The following MXRA5 variants were observed in gnomAD, a reference collection of about 807,000 sequenced individuals.
MXRA5 encodes matrix remodeling associated 5, also known as matrix-remodeling-associated protein 5.
Under a neutral mutation model 112.5 loss-of-function variants are expected in MXRA5, and 41 were observed. That is an observed-to-expected ratio of 0.36 (90% CI 0.28 to 0.47). The LOEUF is 0.47. Among genes scored for constraint, MXRA5 ranks in the 20% least tolerant of loss-of-function variants. The pLI, the probability that MXRA5 is intolerant of heterozygous loss-of-function variation, is 0.99. For missense variants in MXRA5, 2,150 were observed against 2,251.0 expected, an observed-to-expected ratio of 0.96 and a Z score of 0.91; for synonymous variants, 862 against 900.8, an observed-to-expected ratio of 0.96 and a Z score of 0.77.
chrX:3,330,806 T>A (rs756584476), intron 2 of MXRA5, 33 bp from the exon 3 acceptor site: 1 of 978,152 alleles, frequency 1.0e-6, no homozygotes, highest in South Asian at 2.9e-5. Context: ...ATAACAATAA[T>A]AATAATTAAG....
chrX:3,336,778 C>G (rs1431925788), intron 2 of MXRA5, among the ~76,000 whole-genome samples: 2 of 112,428 alleles, frequency 1.8e-5, no homozygotes, highest in Non-Finnish European at 3.8e-5. Context: ...GCTCTGAAAA[C>G]AAGTTCTAAT....
At chrX:3,337,817 A>T (rs1418881294) in intron 2 of MXRA5, among the ~76,000 whole-genome samples, 2 of 111,628 alleles carry the variant, frequency 1.8e-5, no homozygotes, top group African/African-American at 6.5e-5. Flanking sequence ...AGGAAGAGCC[A>T]GCAGGCATTG....
chrX:3,345,242 G>A (rs1287030393), intron 1 of MXRA5, among the ~76,000 whole-genome samples: 2 of 112,979 alleles, frequency 1.8e-5, no homozygotes, highest in Non-Finnish European at 3.7e-5. Context: ...TCTTAAGCCC[G>A]GGGGCGCGTC....
rs1163244608 is a variant in MXRA5, at chrX:3,324,342, G to A, written c.1343C>T (p.Ala448Val). 4.1e-6 allele frequency: 5 copies of A among 1,209,312 alleles called. No homozygotes were observed. The highest frequency in any genetic ancestry group is 4.5e-6 in the Non-Finnish European group (4 of 895,113). ...DIQLNRRQST[A>V]KKVLLSYYTQ... ...GTAGTAGGAAAGTAGCACCTTCTTG[G>A]CCGTACTCTGACGTCGGTTCAGCTG... is the stretch of plus-strand genomic sequence containing the variant. The change falls in exon 5 of 7, where the codon GCC (alanine) becomes GTC (valine). Residue 448 changes from alanine (A) to valine (V), a missense_variant. By Grantham distance (64) the Ala-to-Val change is moderately conservative. Coordinates refer to ENST00000217939, the MANE Select transcript of MXRA5 (RefSeq NM_015419.4).
At chrX:3,331,746 G>T (rs1456193136) in intron 2 of MXRA5, among the ~76,000 whole-genome samples, 1 of 111,773 alleles carries the variant, frequency 8.9e-6, no homozygotes, top group African/African-American at 3.3e-5. Flanking sequence ...TTGTTGTTGT[G>T]TATATAATTG....
In MXRA5 at chrX:3,330,065, C is replaced by T; in HGVS notation, c.662G>A (p.Cys221Tyr). The change falls in exon 4 of 7, where the codon TGC becomes TAC. Residue 221 changes from cysteine to tyrosine, a missense_variant. Cys to Tyr is a radical substitution (Grantham distance 194). Around this residue, in one of 6 missense-constraint regions of MXRA5, gnomAD observed 386 missense variants for 411.0 expected, o/e 0.94. Coordinates refer to ENST00000217939, the MANE Select transcript of MXRA5 (RefSeq NM_015419.4). ...NLYLQGNPWT[C>Y]DCEMRWFLEW... is the part of the protein sequence containing the mutation. ...CAAAAACCATCTCATCTCACAATCG[C>T]AGGTCCACGGATTTCCCTGCAAGTA... 3.3e-6 allele frequency: 4 copies of T among 1,211,236 alleles called. No individual in the cohort carries two copies. Among genetic ancestry groups the T allele is most frequent in the Non-Finnish European group, 4.5e-6 (4 of 895,395 alleles).
intron 6 of MXRA5, among the ~76,000 whole-genome samples, chrX:3,315,403 A>G (rs1177226835): frequency 4.1e-4 from 40 of 98,045 alleles, no homozygotes; most frequent in Admixed American, 8.0e-4. Flanking sequence ...ATAGATAGAT[A>G]GATAGATAGA....
chrX:3,341,793 G>A (rs1302363511), intron 2 of MXRA5, among the ~76,000 whole-genome samples: 1 of 100,180 alleles, frequency 1.0e-5, no homozygotes, highest in African/African-American at 3.6e-5. Context: ...ACCTGCCAAG[G>A]TGCTGGGTTT....
In MXRA5 at chrX:3,346,502, C is replaced by G. The variant is rs1229024294; in HGVS notation, c.-29+13G>C. ...GGCAGCCCTGGGGCGCCCTGGCCAC[C>G]CTGGGTCCTCACCTGTCCTTGGGAA... On this transcript the variant is annotated intron_variant, in intron 1 of 6. Transcript: ENST00000217939. The G allele has an allele frequency of 4.0e-6, 3 of 752,990 alleles. No homozygotes were observed. In the African/African-American group the frequency reaches 6.9e-5, roughly 17 times the overall value. The allele number at this position is 752,990 out of a possible 1,213,427, so 62.1% of individuals were successfully genotyped here. A position where few individuals can be genotyped will look rare whatever the true frequency, so the allele number is the denominator to read the frequency against.
chrX:3,314,642 A>C (rs1278913154), intron 6 of MXRA5, among the ~76,000 whole-genome samples: 11 of 110,819 alleles, frequency 9.9e-5, no homozygotes, highest in Admixed American at 2.9e-4. Flanking sequence ...TTTCATACTA[A>C]GATAGGGTTT....
intron 4 of MXRA5, among the ~76,000 whole-genome samples, chrX:3,325,891 ATTT>A (rs1921461454): frequency 2.5e-5 from 1 of 40,214 alleles, no homozygotes; most frequent in Non-Finnish European, 6.1e-5. Context: ...TATAATTATA[ATTT>A]ATAATGTATA....
At chrX:3,328,253 A>G (rs1425402549) in intron 4 of MXRA5, among the ~76,000 whole-genome samples, 2 of 112,441 alleles carry the variant, frequency 1.8e-5, no homozygotes, top group Non-Finnish European at 1.9e-5. Flanking sequence ...TTGAATGTCT[A>G]GCAGTAAAGA....
In MXRA5 at chrX:3,323,483, G is replaced by T; in HGVS notation, c.2202C>A (p.Asp734Glu). ...TTCTTCTCCCTTTCTTGGCTTTCTT[G>T]TCTCCATTGATGGCATCATCCTTTG... ...LKTKDDAING[D>E]KKAKKGRRKL... The change falls in exon 5 of 7, where the codon GAC becomes GAA. Residue 734 changes from aspartate to glutamate, a missense_variant. Asp to Glu is a conservative substitution (Grantham distance 45). Around this residue, in one of 6 missense-constraint regions of MXRA5, gnomAD observed 1,485 missense variants for 1,471.6 expected, o/e 1.01. Transcript: ENST00000217939. 8.3e-7 allele frequency: 1 copy of T among 1,211,409 alleles called. No homozygotes were observed. The highest frequency in any genetic ancestry group is 1.8e-5 in the South Asian group (1 of 56,969).
rs1921626150 is a variant in MXRA5 at position 3,330,057 on chromosome X, C to T, written c.670G>A (p.Glu224Lys). ...LQGNPWTCDC[E>K]MRWFLEWDAK... ...TCCCATTCCAAAAACCATCTCATCT[C>T]ACAATCGCAGGTCCACGGATTTCCC... is the stretch of plus-strand genomic sequence containing the variant. Residue 224 changes from glutamate (E) to lysine (K), a missense_variant, in exon 4 of 7, where the codon GAG becomes AAG. By Grantham distance (56) the Glu-to-Lys change is moderately conservative (BLOSUM62 1). This residue lies in a region of MXRA5 where 386 missense variants were observed against 411.0 expected (regional missense o/e 0.94). Coordinates refer to ENST00000217939, the MANE Select transcript of MXRA5 (RefSeq NM_015419.4). 1 of 1,211,137 alleles carries T rather than the reference C, an allele frequency of 8.3e-7. No individual in the cohort carries two copies. Among genetic ancestry groups the T allele is most frequent in the East Asian group, 3.0e-5 (1 of 33,836 alleles).
intron 2 of MXRA5, among the ~76,000 whole-genome samples, chrX:3,342,512 G>C (rs1468738132): frequency 8.9e-6 from 1 of 112,085 alleles, no homozygotes; most frequent in Non-Finnish European, 1.9e-5. Context: ...CTCTGCCAAC[G>C]CCAAGCTGTT....
Position 3,323,956 on chromosome X carries a change from T to TGG in MXRA5, c.1727_1728dup (p.Thr577ProfsTer10). 1 of 1,205,240 alleles carries TGG rather than the reference T, an allele frequency of 8.3e-7. No homozygotes were observed. The highest frequency in any genetic ancestry group is 1.1e-6 in the Non-Finnish European group (1 of 892,006). ...ACTGTGTCTTTCTCGGCTGGCTGAG[T>TGG]GGAGGGAGACTGCACAAGTACCCTA... On this transcript the variant is annotated frameshift_variant, in exon 5 of 7. Coordinates refer to ENST00000217939, the MANE Select transcript of MXRA5 (RefSeq NM_015419.4). LOFTEE classifies it high-confidence loss of function.
chrX:3,341,376 T>C (rs1461293244), intron 2 of MXRA5, among the ~76,000 whole-genome samples: 1 of 31,915 alleles, frequency 3.1e-5, no homozygotes, highest in Non-Finnish European at 4.8e-5. Context: ...TAATATATAT[T>C]ATTATTATAT....
chrX:3,345,159 T>G (rs1270448522), intron 1 of MXRA5, among the ~76,000 whole-genome samples: 2 of 111,773 alleles, frequency 1.8e-5, no homozygotes, highest in African/African-American at 6.5e-5. Context: ...AATTCTAAAA[T>G]CCTTCCTATA....
intron 2 of MXRA5, among the ~76,000 whole-genome samples, chrX:3,332,873 T>A (rs1921699755): frequency 8.9e-6 from 1 of 112,001 alleles, no homozygotes; most frequent in African/African-American, 3.2e-5. Flanking sequence ...GTGTACCTTA[T>A]GAACATGCTT....
Sources: allele counts gnomAD v4.1 joint callset (sites outside exome capture counted in the v4.1 genomes callset), GRCh38; gene constraint gnomAD v4.1.1; regional missense constraint gnomAD v4.1.1; transcripts MANE v1.5; gene names NCBI Gene and HGNC (gene_info 2026-07-23, HGNC 2026-07-21).